NFRKB: variants seen among roughly 807,000 people sequenced by gnomAD.
NFRKB encodes nuclear factor related to kappaB binding protein.
In NFRKB, 62 loss-of-function variants were observed where a neutral mutation model predicts 135.7. That is an observed-to-expected ratio of 0.46 (90% CI 0.37 to 0.56). The LOEUF is 0.56. NFRKB is among the 20% of genes least tolerant of loss of function. The probability of loss-of-function intolerance (pLI) is 0.00; values close to 1 mark genes in which losing one functional copy is unlikely to be tolerated. For synonymous variants in NFRKB, 678 were observed against 635.6 expected, an observed-to-expected ratio of 1.07 and a Z score of -1.00; for missense variants, 1,545 against 1,662.0, an observed-to-expected ratio of 0.93 and a Z score of 1.22.
rs2135667638 is a variant in NFRKB, at chr11:129,884,849, T to C, written c.641-3A>G. 6.2e-7 allele frequency: 1 copy of C among 1,614,116 alleles called. No homozygotes were observed. The highest frequency in any genetic ancestry group is 8.5e-7 in the Non-Finnish European group (1 of 1,179,996). On this transcript the variant is annotated splice_polypyrimidine_tract_variant and splice_region_variant and intron_variant, in intron 6 of 26. Transcript: ENST00000682444. ...GCTCGGAAGCCATGAGCTGAGATCT[T>C]CAAAAGAAAATTGTTCTTGTAAATC... is the stretch of plus-strand genomic sequence containing the variant.
Position 129,864,943 on chromosome 11 carries a change from C to T in NFRKB, c.3774+23G>A, listed in dbSNP as rs769515974. 9 of 1,612,072 alleles carry T rather than the reference C, an allele frequency of 5.6e-6. No individual in the cohort carries two copies. In the African/African-American group the frequency reaches 1.2e-4, roughly 22 times the overall value. ...GAATCAGAGAGGAGCCGGATATGGC[C>T]AAGAATTTGCCCTGGGCCTTACCTG... On this transcript the variant is annotated intron_variant, in intron 26 of 26. Coordinates refer to ENST00000682444, the MANE Select transcript of NFRKB (RefSeq NM_001143835.2).
intron 24 of NFRKB, among the ~76,000 whole-genome samples, chr11:129,868,930 G>C (rs1948352186): frequency 6.6e-6 from 1 of 152,270 alleles, no homozygotes; most frequent in African/African-American, 2.4e-5. Flanking sequence ...TGGGGCAGGA[G>C]AATCACTTGA....
At chr11:129,875,257 T>G (rs1948705195) in intron 18 of NFRKB, 100 bp downstream of exon 18, 2 of 1,003,372 alleles carry the variant, frequency 2.0e-6, no homozygotes, top group South Asian at 3.1e-5. Flanking sequence ...GTTTTTCACT[T>G]CATTCAGTTT....
Position 129,874,607 on chromosome 11 carries a change from C to A in NFRKB, c.1979-27G>T. 2 of 1,612,774 alleles carry A rather than the reference C, an allele frequency of 1.2e-6. No homozygotes were observed. Among genetic ancestry groups the A allele is most frequent in the Non-Finnish European group, 8.5e-7 (1 of 1,179,488 alleles). The stretch of plus-strand genomic sequence containing the variant: ...TGTGAACAAGAGGGGCAAGCTTCAG[C>A]CAGAGTTTAACCTTAGCAAACTAAA... On this transcript the variant is annotated intron_variant, in intron 19 of 26. Coordinates refer to ENST00000682444, the MANE Select transcript of NFRKB (RefSeq NM_001143835.2). This position sits in a 1 kb window ranked among gnomAD's most constrained non-coding sequence, Gnocchi z 4.5.
At chr11:129,866,218 C>G (rs1948185506) in intron 24 of NFRKB, among the ~76,000 whole-genome samples, 1 of 152,108 alleles carries the variant, frequency 6.6e-6, no homozygotes, top group South Asian at 2.1e-4. Context: ...CCACCAGAAG[C>G]AGCAGCAACC....
chr11:129,867,241 A>C (rs1187624221), intron 24 of NFRKB, among the ~76,000 whole-genome samples: 1 of 152,148 alleles, frequency 6.6e-6, no homozygotes, highest in Admixed American at 6.5e-5. Flanking sequence ...AGAGGGATTC[A>C]AAAGAAACAA....
intron 14 of NFRKB, 54 bp from the exon 15 acceptor site, chr11:129,878,409 T>C (rs1369680218): frequency 5.0e-6 from 8 of 1,613,002 alleles, no homozygotes; most frequent in Admixed American, 1.7e-5. Context: ...TTGGGCAAAC[T>C]TAAGAGCTCT....
intron 5 of NFRKB, 62 bp from the exon 6 acceptor site, chr11:129,885,671 A>G: frequency 6.8e-7 from 1 of 1,465,026 alleles, no homozygotes; most frequent in Non-Finnish European, 9.2e-7. Flanking sequence ...AACAATGAAC[A>G]CTCTACAAGT....
intron 2 of NFRKB, 83 bp from the exon 3 acceptor site, chr11:129,892,953 T>A (rs1949624546): frequency 6.3e-7 from 1 of 1,598,688 alleles, no homozygotes; most frequent in African/African-American, 1.3e-5. Context: ...AGGAAAACAT[T>A]CAACCTCCAG....
rs1320745927 is a variant in NFRKB at position 129,894,366 on chromosome 11, G to C, written c.-29C>G. ...ACATTCCACAAATCTTACCACGCCA[G>C]GTGTCAATTTCCTTATTTGAGGAAG... On this transcript the variant is annotated 5_prime_UTR_variant, in exon 2 of 27. Coordinates refer to ENST00000682444, the MANE Select transcript of NFRKB (RefSeq NM_001143835.2). 1 of 152,212 alleles carries C rather than the reference G, an allele frequency of 6.6e-6. No homozygotes were observed. The highest frequency in any genetic ancestry group is 6.5e-5 in the Admixed American group (1 of 15,290). The allele number at this position is 152,212 out of a possible 1,614,324, so 9.4% of individuals were successfully genotyped here. A position where few individuals can be genotyped will look rare whatever the true frequency, so the allele number is the denominator to read the frequency against.
rs556684595 is a variant in NFRKB, at chr11:129,892,780, G to A, written c.70C>T (p.Arg24Cys). Residue 24 changes from arginine (R) to cysteine (C), a missense_variant, in exon 3 of 27, where the codon CGC (arginine) becomes TGC (cysteine). By Grantham distance (180) the Arg-to-Cys change is radical. Transcript: ENST00000682444. ...CCCAGGAGGCAATCCTCCATGATGC[G>A]CGTGCCATGGCCATCTCCACACGGA... ...LGPCGDGHGT[R>C]IMEDCLLGGT... 10 of 1,614,034 alleles carry A rather than the reference G, an allele frequency of 6.2e-6. No individual in the cohort carries two copies. Among genetic ancestry groups the A allele is most frequent in the African/African-American group, 2.7e-5 (2 of 74,930 alleles).
chr11:129,866,906 C>T (rs747733565), intron 24 of NFRKB, among the ~76,000 whole-genome samples: 1 of 152,140 alleles, frequency 6.6e-6, no homozygotes, highest in African/African-American at 2.4e-5. Context: ...GGCAGGTCCC[C>T]GCACCTATCT....
rs763052623 is a variant in NFRKB, at chr11:129,865,889, T to C, written c.3626A>G (p.Asn1209Ser). ...SVVTAPIIKGNLGANLSGLGR... is the reference protein window; with the variant it reads ...SVVTAPIIKGSLGANLSGLGR... ...ACATAGTACTTACTTGGCTCCAAGG[T>C]TGCCTTTGATGATGGGGGCTGTGAC... is the stretch of plus-strand genomic sequence containing the variant. Residue 1209 changes from asparagine to serine, a missense_variant, in exon 25 of 27, where the codon AAC becomes AGC. By Grantham distance (46) the Asn-to-Ser change is conservative. Around this residue, in one of 3 missense-constraint regions of NFRKB, gnomAD observed 753 missense variants for 804.3 expected, o/e 0.94. Coordinates refer to ENST00000682444, the MANE Select transcript of NFRKB (RefSeq NM_001143835.2). The C allele has an allele frequency of 2.6e-5, 42 of 1,614,104 alleles. No homozygotes were observed. Among genetic ancestry groups the C allele is most frequent in the Admixed American group, 8.3e-5 (5 of 60,020 alleles).
intron 23 of NFRKB, among the ~76,000 whole-genome samples, chr11:129,871,019 G>C (rs936758973): frequency 1.3e-5 from 2 of 152,138 alleles, no homozygotes; most frequent in African/African-American, 4.8e-5. Flanking sequence ...GTATGTGCGA[G>C]AGACTGGTTC....
At chr11:129,870,313 A>G (rs369470949) in intron 23 of NFRKB, 52 bp from the exon 24 acceptor site, 61 of 1,545,984 alleles carry the variant, frequency 3.9e-5, no homozygotes, top group Non-Finnish European at 4.9e-5. Flanking sequence ...TAAACCGGTT[A>G]CAAAATACAA....
At chr11:129,875,652 C>CTTTTTTTTTT (rs761583169) in intron 17 of NFRKB, among the ~76,000 whole-genome samples, 189 bp from the exon 18 acceptor site, 1 of 101,808 alleles carries the variant, frequency 9.8e-6, no homozygotes, top group Non-Finnish European at 2.0e-5. Flanking sequence ...CTATACACTT[C>CTTTTTTTTTT]TTTTTTTTTT....
chr11:129,871,768 T>C (rs1025965685), intron 23 of NFRKB, among the ~76,000 whole-genome samples: 2 of 152,216 alleles, frequency 1.3e-5, no homozygotes, highest in African/African-American at 4.8e-5. Context: ...TCCCCCATTG[T>C]TCATTCTACC....
chr11:129,870,360 AT>A (rs57667407), intron 23 of NFRKB, 99 bp from the exon 24 acceptor site: 6,873 of 1,244,646 alleles, frequency 5.5e-3, no homozygotes, highest in Non-Finnish European at 6.3e-3. Flanking sequence ...GATGTTTTGT[AT>A]TTTTTTTTTA....
At chr11:129,876,660 G>GAGTTA (rs367961322) in intron 17 of NFRKB, 61 bp downstream of exon 17, 272,402 of 1,556,598 alleles carry the variant, frequency 0.17, 25,246 homozygotes, top group South Asian at 0.28. Flanking sequence ...GTTCAGAGTT[G>GAGTTA]GTAAGAGAAA....
Sources: allele counts gnomAD v4.1 joint callset (sites outside exome capture counted in the v4.1 genomes callset), GRCh38; gene constraint gnomAD v4.1.1; regional missense constraint gnomAD v4.1.1; non-coding constraint Gnocchi (gnomAD v3.1); transcripts MANE v1.5; gene names NCBI Gene and HGNC (gene_info 2026-07-23, HGNC 2026-07-21).